TPCN1: variants seen among roughly 807,000 people sequenced by gnomAD.
TPCN1 encodes the protein two pore channel protein 1.
TPCN1 carries 52 observed loss-of-function variants against 108.8 expected under a neutral mutation model. The ratio of observed to expected loss-of-function variants is 0.48; its 90% CI spans 0.38 to 0.60. TPCN1 has a LOEUF of 0.60. Among genes scored for constraint, TPCN1 ranks in the 20% least tolerant of loss-of-function variants. TPCN1 has a pLI of 0.00. For missense variants in TPCN1, 806 were observed against 1,072.8 expected (o/e 0.75, Z 3.47); for synonymous variants, 446 against 433.7 (o/e 1.03, Z -0.35).
chr12:113,266,145 A>C lies in TPCN1; in HGVS notation c.238-35A>C. On this transcript the variant is annotated intron_variant, in intron 3 of 27. Transcript: ENST00000335509. The surrounding 1 kb of genome is among the most constrained non-coding windows in gnomAD (Gnocchi z 4.2). ...CCTCTTTGGCGTTGGATGGGTCTCC[A>C]GGCTTACATGCCCACACTACTCTCA... is the stretch of plus-strand genomic sequence containing the variant. The C allele has an allele frequency of 6.2e-7, 1 of 1,609,650 alleles. No individual in the cohort carries two copies. Among genetic ancestry groups the C allele is most frequent in the Non-Finnish European group, 8.5e-7 (1 of 1,177,270 alleles).
chr12:113,267,976 G>A lies in TPCN1; in HGVS notation c.528+20G>A, dbSNP rs780151442. 1 of 1,536,942 alleles carries A rather than the reference G, an allele frequency of 6.5e-7. No individual in the cohort carries two copies. The highest frequency in any genetic ancestry group is 9.0e-7 in the Non-Finnish European group (1 of 1,115,002). On this transcript the variant is annotated intron_variant, in intron 5 of 27. Coordinates refer to ENST00000335509, the MANE Select transcript of TPCN1 (RefSeq NM_017901.6). ...GTCAAGGTGATGTGTCCGCCCATCTGTCCCTCCCCTCACAGCCTTTTCTCC... is the reference window on the plus strand; with the variant it reads ...GTCAAGGTGATGTGTCCGCCCATCTATCCCTCCCCTCACAGCCTTTTCTCC...
intron 2 of TPCN1, chr12:113,260,162 T>C (rs1335434210): frequency 4.1e-6 from 2 of 482,590 alleles, no homozygotes; most frequent in Non-Finnish European, 6.9e-6. Context: ...TACTTGCTTT[T>C]TTCACTTATC....
intron 27 of TPCN1, among the ~76,000 whole-genome samples, chr12:113,293,763 T>C (rs1015555864): frequency 1.3e-5 from 2 of 152,190 alleles, no homozygotes; most frequent in African/African-American, 4.8e-5. Flanking sequence ...GATGTGCCTG[T>C]CCAAAGGGGA....
At position 113,273,698 on chromosome 12, in the gene TPCN1, A is replaced by G; in HGVS notation, c.942+30A>G. The G allele has an allele frequency of 6.5e-7, 1 of 1,548,130 alleles. No homozygotes were observed. The highest frequency in any genetic ancestry group is 8.9e-7 in the Non-Finnish European group (1 of 1,120,464). On this transcript the variant is annotated intron_variant, in intron 10 of 27. Transcript: ENST00000335509. This position sits in a 1 kb window ranked among gnomAD's most constrained non-coding sequence, Gnocchi z 4.0. ...GTGACTATGCCTCAGGCTACGCTGA[A>G]GCAGCCTGCCCCTACCCATGCAGCA...
At chr12:113,227,009 C>A in intron 2 of TPCN1, 45 bp downstream of exon 2, 1 of 1,542,796 alleles carries the variant, frequency 6.5e-7, no homozygotes, top group Non-Finnish European at 8.8e-7. Flanking sequence ...TTTTCTGTTT[C>A]AGAGGCTGAG....
At chr12:113,227,009 C>T (rs1953495251) in intron 2 of TPCN1, 45 bp downstream of exon 2, 2 of 1,542,800 alleles carry the variant, frequency 1.3e-6, no homozygotes, top group Non-Finnish European at 1.8e-6. Context: ...TTTTCTGTTT[C>T]AGAGGCTGAG....
intron 2 of TPCN1, among the ~76,000 whole-genome samples, chr12:113,260,148 T>G (rs1954971693): frequency 6.6e-6 from 1 of 152,192 alleles, no homozygotes; most frequent in African/African-American, 2.4e-5. Context: ...TTTGTACTCT[T>G]TTGTACTTGC....
intron 1 of TPCN1, among the ~76,000 whole-genome samples, chr12:113,223,824 A>G (rs3890145): frequency 5.3e-5 from 8 of 152,214 alleles, no homozygotes; most frequent in African/African-American, 1.7e-4. Flanking sequence ...GATTACAGGC[A>G]TGAGCCACCA....
At position 113,291,583 on chromosome 12, in the gene TPCN1, C is replaced by T. The variant is rs761691038; in HGVS notation, c.1960-26C>T. ...GACCTGCCCTGCATGGGCACCCCCT[C>T]ACTGGCTGCTTCCCTTGGTCTCCAG... is the stretch of plus-strand genomic sequence containing the variant. On this transcript the variant is annotated intron_variant, in intron 23 of 27. Coordinates refer to ENST00000335509, the MANE Select transcript of TPCN1 (RefSeq NM_017901.6). The T allele has an allele frequency of 4.4e-6, 7 of 1,606,906 alleles. No homozygotes were observed. In the South Asian group the frequency reaches 7.8e-5, roughly 18 times the overall value.
rs1170912632 is a variant in TPCN1 at position 113,269,611 on chromosome 12, GAA to G, written c.660-141_660-140del. On this transcript the variant is annotated intron_variant, in intron 6 of 27. Coordinates refer to ENST00000335509, the MANE Select transcript of TPCN1 (RefSeq NM_017901.6). The surrounding 1 kb of genome is among the most constrained non-coding windows in gnomAD (Gnocchi z 5.0). ...GAGTGGGGGTCTCAAGCCACTTTAG[GAA>G]AAAATGAAGCATGATGTCACACCAG... is the stretch of plus-strand genomic sequence containing the variant. 5.7e-6 allele frequency: 4 copies of G among 706,542 alleles called. No homozygotes were observed. Among genetic ancestry groups the G allele is most frequent in the Admixed American group, 2.7e-5 (1 of 36,850 alleles). The allele number at this position is 706,542 out of a possible 1,614,324, so 43.8% of individuals were successfully genotyped here.
In TPCN1 at chr12:113,236,312, C is replaced by T. The variant is rs117922482; in HGVS notation, c.112+9348C>T. ...CAGCTTGGCATCTGAGTCTCCCACC[C>T]CCCGGCACCCCATGTTTGTTACCTG... On this transcript the variant is annotated intron_variant, in intron 2 of 27. Transcript: ENST00000335509. 6.1e-3 allele frequency among the ~76,000 whole-genome samples: 927 copies of T among 152,272 alleles called. 6 individuals carry two copies. The highest frequency in any genetic ancestry group is 9.3e-3 in the Non-Finnish European group (634 of 68,014).
chr12:113,292,057 T>G, intron 25 of TPCN1, 99 bp downstream of exon 25: 1 of 982,656 alleles, frequency 1.0e-6, no homozygotes, highest in Non-Finnish European at 1.6e-6. Flanking sequence ...CAGGCTGTCA[T>G]TTTTCTGCTG....
At chr12:113,255,989 C>G (rs899672313) in intron 2 of TPCN1, among the ~76,000 whole-genome samples, 2 of 152,102 alleles carry the variant, frequency 1.3e-5, no homozygotes, top group African/African-American at 4.8e-5. Context: ...CCATGCCCAG[C>G]TATTTTTTAT....
rs774020344 is a variant in TPCN1 at position 113,289,696 on chromosome 12, T to C, written c.1797-432T>C. The stretch of plus-strand genomic sequence containing the variant: ...AGCTCCTCAAAACAGGGCCAACCTT[T>C]TCAAATACTTGCTCAGGCCAAGTAT... On this transcript the variant is annotated intron_variant, in intron 21 of 27. Coordinates refer to ENST00000335509, the MANE Select transcript of TPCN1 (RefSeq NM_017901.6). The surrounding 1 kb of genome is among the most constrained non-coding windows in gnomAD (Gnocchi z 4.1). 3.9e-5 allele frequency among the ~76,000 whole-genome samples: 6 copies of C among 152,230 alleles called. No homozygotes were observed. The highest frequency in any genetic ancestry group is 6.5e-5 in the Admixed American group (1 of 15,292).
intron 3 of TPCN1, among the ~76,000 whole-genome samples, chr12:113,264,072 A>T (rs940875983): frequency 0.015 from 2,285 of 147,952 alleles, 40 homozygotes; most frequent in African/African-American, 0.053. Context: ...CAAGAAATAC[A>T]TTTTTTTTTT....
At chr12:113,292,758 G>T in intron 25 of TPCN1, 176 bp from the exon 26 acceptor site, 1 of 697,528 alleles carries the variant, frequency 1.4e-6, no homozygotes, top group Non-Finnish European at 2.3e-6. Context: ...TGACATCACA[G>T]CAGAGGGAGG....
At position 113,288,637 on chromosome 12, in the gene TPCN1, T is replaced by C; in HGVS notation, c.1707-121T>C. On this transcript the variant is annotated intron_variant, in intron 20 of 27. Transcript: ENST00000335509. The surrounding 1 kb of genome is among the most constrained non-coding windows in gnomAD (Gnocchi z 4.8). ...CCCCTTCCCCGCAGGCACTTTCCAG[T>C]TGGTGAACCGACCAGGGGCATGGCC... 2 of 1,537,424 alleles carry C rather than the reference T, an allele frequency of 1.3e-6. No individual in the cohort carries two copies. Among genetic ancestry groups the C allele is most frequent in the South Asian group, 1.2e-5 (1 of 82,166 alleles).
rs1320031826 is a variant in TPCN1, at chr12:113,296,405, A to G, written c.*329A>G. 3 of 298,868 alleles carry G rather than the reference A, an allele frequency of 1.0e-5. No individual in the cohort carries two copies. Among genetic ancestry groups the G allele is most frequent in the East Asian group, 5.7e-5 (1 of 17,572 alleles). 18.5% of individuals were successfully genotyped at this position (298,868 alleles called of 1,614,324 possible). A position where few individuals can be genotyped will look rare whatever the true frequency, so the allele number is the denominator to read the frequency against. On this transcript the variant is annotated 3_prime_UTR_variant, in exon 28 of 28. Transcript: ENST00000335509. ...TTGCCCCTCATGTGGGCTGGCCTCC[A>G]TCGGCCACGTCCAAAGCTGTCACTG...
At chr12:113,230,148 C>T (rs1953631374) in intron 2 of TPCN1, among the ~76,000 whole-genome samples, 1 of 152,150 alleles carries the variant, frequency 6.6e-6, no homozygotes, top group Non-Finnish European at 1.5e-5. Flanking sequence ...CTTCCCCTTC[C>T]TGACAGAGCT....
Sources: allele counts gnomAD v4.1 joint callset (sites outside exome capture counted in the v4.1 genomes callset), GRCh38; gene constraint gnomAD v4.1.1; non-coding constraint Gnocchi (gnomAD v3.1); transcripts MANE v1.5; gene names NCBI Gene and HGNC (gene_info 2026-07-23, HGNC 2026-07-21).